Variants in MYO5B observed in about 807,000 individuals in gnomAD.
MYO5B encodes unconventional myosin-Vb.
MYO5B carries 143 observed loss-of-function variants against 229.3 expected under a neutral mutation model. That is an observed-to-expected ratio of 0.62 (90% CI 0.54 to 0.72). The LOEUF is 0.72. Among genes scored for constraint, MYO5B ranks in the 30% least tolerant of loss-of-function variants. The pLI, the probability that MYO5B is intolerant of heterozygous loss-of-function variation, is 0.00. For synonymous variants in MYO5B, 918 were observed against 885.2 expected (o/e 1.04, Z -0.66); for missense variants, 2,321 against 2,331.0 (o/e 1.00, Z 0.09).
At chr18:50,188,862 A>G (rs1387291891) in intron 1 of MYO5B, among the ~76,000 whole-genome samples, 1 of 151,604 alleles carries the variant, frequency 6.6e-6, no homozygotes, top group Non-Finnish European at 1.5e-5. Flanking sequence ...GAGCCTGCTC[A>G]ATGATTACAG....
intron 14 of MYO5B, among the ~76,000 whole-genome samples, chr18:49,941,765 C>T (rs7236428): frequency 3.4e-5 from 5 of 145,590 alleles, no homozygotes; most frequent in Admixed American, 1.4e-4. Flanking sequence ...AGGTAATTTA[C>T]AGATTCAATG....
At chr18:50,111,456 G>A (rs2031863001) in intron 1 of MYO5B, among the ~76,000 whole-genome samples, 1 of 152,114 alleles carries the variant, frequency 6.6e-6, no homozygotes, top group Non-Finnish European at 1.5e-5. Flanking sequence ...AGATCCTTCT[G>A]GTTCTCATTC....
chr18:49,844,029 C>T (rs968863281), intron 33 of MYO5B, among the ~76,000 whole-genome samples: 2 of 152,216 alleles, frequency 1.3e-5, no homozygotes, highest in Non-Finnish European at 2.9e-5. Flanking sequence ...ATCTCTCCAG[C>T]GGCTCTCTTA....
intron 27 of MYO5B, among the ~76,000 whole-genome samples, chr18:49,869,816 G>C (rs976215319): frequency 6.6e-6 from 1 of 152,074 alleles, no homozygotes; most frequent in African/African-American, 2.4e-5. Flanking sequence ...AGCAGGTCTC[G>C]GGGGTGGGGT....
chr18:49,853,464 C>T lies in MYO5B; in HGVS notation c.4206G>A (p.Leu1402=). The change falls in exon 31 of 40, where the codon CTG becomes CTA. Residue 1402 remains leucine (L), a synonymous_variant. Coordinates refer to ENST00000285039, the MANE Select transcript of MYO5B (RefSeq NM_001080467.3). ...EFGVQQEISR[L]TNENLDLKEL... ...GGCTACCCACCAGATTCTCGTTGGT[C>T]AGCCGGGATATTTCCTGCTGAACGC... 2 of 1,613,964 alleles carry T rather than the reference C, an allele frequency of 1.2e-6. No homozygotes were observed. Among genetic ancestry groups the T allele is most frequent in the East Asian group, 2.2e-5 (1 of 44,864 alleles).
intron 1 of MYO5B, among the ~76,000 whole-genome samples, chr18:50,139,791 C>A (rs905708984): frequency 2.8e-4 from 43 of 152,124 alleles, no homozygotes; most frequent in Admixed American, 2.0e-4. Context: ...GCAGAACCAC[C>A]CCCAACCAGC....
chr18:50,097,253 G>T, intron 1 of MYO5B: 1 of 456,660 alleles, frequency 2.2e-6, no homozygotes, highest in South Asian at 1.5e-5. Context: ...CCTCTCTTGT[G>T]ACAGGCCAGT....
intron 1 of MYO5B, among the ~76,000 whole-genome samples, chr18:50,117,250 AGAGAG>A (rs1038999308): frequency 6.6e-6 from 1 of 152,174 alleles, no homozygotes; most frequent in African/African-American, 2.4e-5. Context: ...AAATAAGTCT[AGAGAG>A]GAAACTTCAA....
chr18:50,050,191 G>T (rs2030355038), intron 2 of MYO5B, among the ~76,000 whole-genome samples: 1 of 152,144 alleles, frequency 6.6e-6, no homozygotes, highest in Non-Finnish European at 1.5e-5. Context: ...GAACTAAAAT[G>T]GCCAGCTAAA....
intron 30 of MYO5B, among the ~76,000 whole-genome samples, chr18:49,855,883 G>A (rs1044439491): frequency 1.1e-4 from 17 of 152,192 alleles, no homozygotes; most frequent in Non-Finnish European, 2.1e-4. Flanking sequence ...CTCCTGCTCC[G>A]CCACCACCTG....
In MYO5B at chr18:49,922,116, C is replaced by G. The variant is rs1483579961; in HGVS notation, c.2090+7396G>C. ...GTCCCTCTGGTCCTATGAAGGTCTC[C>G]TAAAGTCACATCAACAAAATAACTG... On this transcript the variant is annotated intron_variant, in intron 17 of 39. Coordinates refer to ENST00000285039, the MANE Select transcript of MYO5B (RefSeq NM_001080467.3). 2.0e-5 allele frequency among the ~76,000 whole-genome samples: 3 copies of G among 152,200 alleles called. No individual in the cohort carries two copies. The East Asian group carries it at 5.8e-4, about 29-fold the overall frequency.
chr18:50,111,500 G>A (rs1161087681), intron 1 of MYO5B, among the ~76,000 whole-genome samples: 1 of 152,178 alleles, frequency 6.6e-6, no homozygotes, highest in Non-Finnish European at 1.5e-5. Flanking sequence ...TCTCCAGATT[G>A]TATCTCTCAT....
At chr18:50,175,533 T>C (rs1705522) in intron 1 of MYO5B, among the ~76,000 whole-genome samples, 128,261 of 152,274 alleles carry the variant, frequency 0.84, 54,292 homozygotes, top group Non-Finnish European at 0.89. Context: ...CATCAAATTT[T>C]TTTAGGTTTA....
chr18:50,036,869 C>A lies in MYO5B; in HGVS notation c.436G>T (p.Ala146Ser), dbSNP rs750298539. 18 of 1,614,024 alleles carry A rather than the reference C, an allele frequency of 1.1e-5. No homozygotes were observed. Among genetic ancestry groups the A allele is most frequent in the East Asian group, 2.2e-5 (1 of 44,894 alleles). The change falls in exon 4 of 40, where the codon GCC becomes TCC. Residue 146 changes from alanine to serine, a missense_variant. Ala to Ser is a moderately conservative substitution (Grantham distance 99, BLOSUM62 1). Around this residue, in one of 2 missense-constraint regions of MYO5B, gnomAD observed 2,113 missense variants for 2,044.7 expected, o/e 1.03. Coordinates refer to ENST00000285039, the MANE Select transcript of MYO5B (RefSeq NM_001080467.3). ...TCTCACCTGGCCATCTGCTTGTAGG[C>A]TTCTTCTGCCACAGCAAAGATGTGG... ...DPHIFAVAEE[A>S]YKQMARDEKN...
chr18:49,994,655 C>T (rs73442557), intron 5 of MYO5B, among the ~76,000 whole-genome samples: 1,702 of 152,272 alleles, frequency 0.011, 32 homozygotes, highest in African/African-American at 0.039. Context: ...GAAGAGTTTA[C>T]GTAATCAGCT....
chr18:50,135,069 A>G lies in MYO5B; in HGVS notation c.27+59698T>C, dbSNP rs144721401. On this transcript the variant is annotated intron_variant, in intron 1 of 39. Transcript: ENST00000285039. ...CTCCACTCTTCCTCTTTAAATACAC[A>G]TATCAACCGGGAAATACACAAGGCA... Among the ~76,000 whole-genome samples, 8 of 152,276 alleles carry G rather than the reference A, an allele frequency of 5.3e-5. No individual in the cohort carries two copies. The East Asian group carries it at 1.5e-3, about 29-fold the overall frequency.
chr18:49,893,851 GCCAGGA>G (rs2024746047), intron 22 of MYO5B, among the ~76,000 whole-genome samples: 1 of 152,202 alleles, frequency 6.6e-6, no homozygotes, highest in African/African-American at 2.4e-5. Flanking sequence ...GAAGGCTCAG[GCCAGGA>G]AAAGGCAGTG....
chr18:49,945,756 G>C (rs543784599), intron 14 of MYO5B, among the ~76,000 whole-genome samples: 3 of 68,414 alleles, frequency 4.4e-5, no homozygotes, highest in African/African-American at 2.2e-4. Flanking sequence ...GGGAGGAGGG[G>C]AGGAGGAGGA....
At chr18:50,004,673 C>T (rs532073664) in intron 4 of MYO5B, among the ~76,000 whole-genome samples, 2 of 152,268 alleles carry the variant, frequency 1.3e-5, no homozygotes, top group South Asian at 4.2e-4. Flanking sequence ...GAGGCTGAGG[C>T]AGGAGGATCA....
Sources: gnomAD v4.1 joint callset for allele counts (sites outside exome capture counted in the v4.1 genomes callset) on GRCh38, gnomAD v4.1.1 for gene constraint, gnomAD v4.1.1 regional missense constraint, MANE v1.5 for transcripts, NCBI Gene and HGNC (gene_info 2026-07-23, HGNC 2026-07-21) for gene names.